Variants in C7 observed in about 807,000 individuals in gnomAD.
C7 encodes the protein complement C7.
C7 carries 83 observed loss-of-function variants against 104.8 expected under a neutral mutation model. The ratio of observed to expected loss-of-function variants is 0.79; its 90% CI spans 0.66 to 0.95. The LOEUF (loss-of-function observed/expected upper bound fraction) is 0.95. Among genes scored for constraint, C7 ranks in the 40% least tolerant of loss-of-function variants. The probability of loss-of-function intolerance (pLI) is 0.00; values close to 1 mark genes in which losing one functional copy is unlikely to be tolerated. For synonymous variants in C7, 415 were observed against 360.6 expected, an observed-to-expected ratio of 1.15 and a Z score of -1.71; for missense variants, 1,070 against 1,011.2, an observed-to-expected ratio of 1.06 and a Z score of -0.79.
rs1271220678 is a variant in C7 at position 40,976,765 on chromosome 5, A to T, written c.2090A>T (p.Gln697Leu). 5 of 1,600,304 alleles carry T rather than the reference A, an allele frequency of 3.1e-6. No homozygotes were observed. The South Asian group carries it at 4.5e-5, about 15-fold the overall frequency. The change falls in exon 16 of 18, where the codon CAG becomes CTG. Residue 697 changes from glutamine (Q) to leucine (L), a missense_variant. Coordinates refer to ENST00000313164, the MANE Select transcript of C7 (RefSeq NM_000587.4). ...RCVQKENPLT[Q>L]AVPKCQRWEK... is the part of the protein sequence containing the mutation. Reference sequence around the variant, plus strand: ...CCTTTTTTAGAAAATCCGTTAACACAGGCAGTGCCTAAATGTCAGCGCTGG... The same window carrying T: ...CCTTTTTTAGAAAATCCGTTAACACTGGCAGTGCCTAAATGTCAGCGCTGG...
chr5:40,974,945 T>C (rs1338706794), intron 15 of C7, among the ~76,000 whole-genome samples: 1 of 152,176 alleles, frequency 6.6e-6, no homozygotes, highest in Non-Finnish European at 1.5e-5. Context: ...CTTAGCAGCA[T>C]CCCTGGTCTC....
intron 15 of C7, among the ~76,000 whole-genome samples, chr5:40,972,879 A>G (rs988807671): frequency 3.3e-5 from 5 of 152,202 alleles, no homozygotes; most frequent in African/African-American, 1.2e-4. Flanking sequence ...CCAAGACAAT[A>G]AAGGATTTTT....
At chr5:40,943,691 G>C (rs547047763) in intron 6 of C7, among the ~76,000 whole-genome samples, 17 of 148,326 alleles carry the variant, frequency 1.1e-4, no homozygotes, top group African/African-American at 4.2e-4. Context: ...ATATATGTGT[G>C]TGTGTGTATA....
intron 1 of C7, among the ~76,000 whole-genome samples, chr5:40,921,513 A>G (rs933576758): frequency 6.6e-6 from 1 of 152,150 alleles, no homozygotes; most frequent in African/African-American, 2.4e-5. Context: ...CTGAATAATA[A>G]CAGTGCTGGA....
chr5:40,933,270 G>T (rs750568276), intron 3 of C7, among the ~76,000 whole-genome samples: 1 of 152,118 alleles, frequency 6.6e-6, no homozygotes, highest in Non-Finnish European at 1.5e-5. Flanking sequence ...TAGGATGGAT[G>T]AATAAGTTCG....
intron 1 of C7, 69 bp downstream of exon 1, chr5:40,909,685 G>A (rs1739167131): frequency 1.4e-5 from 17 of 1,231,586 alleles, no homozygotes; most frequent in Non-Finnish European, 1.8e-5. Context: ...TAATATAAAT[G>A]TAATTTAAAC....
intron 11 of C7, among the ~76,000 whole-genome samples, chr5:40,958,888 C>T (rs1411711157): frequency 6.6e-6 from 1 of 152,086 alleles, no homozygotes; most frequent in Non-Finnish European, 1.5e-5. Context: ...CAGAGCTTGA[C>T]AAAAGGCTTG....
intron 13 of C7, 195 bp from the exon 14 acceptor site, chr5:40,964,546 A>C (rs1376966550): frequency 6.0e-6 from 3 of 502,720 alleles, no homozygotes; most frequent in African/African-American, 5.8e-5. Flanking sequence ...TGGTATTAAT[A>C]GTTTTATTTC....
rs1741016429 is a variant in C7 at position 40,984,288 on chromosome 5, T to G, written c.*2715T>G. ...AGAAGGAGGGTTCTTCGTATTCAGG[T>G]AGGGTATGGTAGGGATGTGGAGTGC... is the stretch of plus-strand genomic sequence containing the variant. On this transcript the variant is annotated 3_prime_UTR_variant, in exon 18 of 18. Coordinates refer to ENST00000313164, the MANE Select transcript of C7 (RefSeq NM_000587.4). Among the ~76,000 whole-genome samples, 1 of 152,044 alleles carries G rather than the reference T, an allele frequency of 6.6e-6. No homozygotes were observed. The highest frequency in any genetic ancestry group is 2.4e-5 in the African/African-American group (1 of 41,404).
chr5:40,931,822 G>A (rs1349938589), intron 3 of C7, among the ~76,000 whole-genome samples: 6 of 152,144 alleles, frequency 3.9e-5, no homozygotes, highest in Admixed American at 1.3e-4. Flanking sequence ...GCAGTGGCAC[G>A]ATCTTGGCTC....
chr5:40,944,902 C>G (rs1740013091), intron 6 of C7, among the ~76,000 whole-genome samples: 1 of 152,152 alleles, frequency 6.6e-6, no homozygotes, highest in Admixed American at 6.5e-5. Context: ...TGTTAATTTG[C>G]TCGCTTCTGG....
At chr5:40,956,472 G>A (rs1740293759) in intron 10 of C7, among the ~76,000 whole-genome samples, 1 of 152,226 alleles carries the variant, frequency 6.6e-6, no homozygotes, top group African/African-American at 2.4e-5. Context: ...ATATTCCTAT[G>A]TGGCTTGTTT....
At chr5:40,939,915 T>G (rs1158556424) in intron 6 of C7, among the ~76,000 whole-genome samples, 1 of 152,210 alleles carries the variant, frequency 6.6e-6, no homozygotes, top group East Asian at 1.9e-4. Flanking sequence ...TCCCCATCAC[T>G]GAATGTGAAG....
In C7 at chr5:40,947,629, A is replaced by G; in HGVS notation, c.766A>G (p.Thr256Ala). Residue 256 changes from threonine (T) to alanine (A), a missense_variant, in exon 8 of 18, where the codon ACT (threonine) becomes GCT (alanine). Thr to Ala is a moderately conservative substitution (Grantham distance 58, BLOSUM62 0). Transcript: ENST00000313164. ...KSYQLLVVEN[T>A]VEVAQFINNN... ...TTACCAACTGCTGGTTGTTGAGAAC[A>G]CTGTTGAAGTGGCTCAGTTCATTAA... The G allele has an allele frequency of 1.2e-6, 2 of 1,613,332 alleles. No individual in the cohort carries two copies. Among genetic ancestry groups the G allele is most frequent in the East Asian group, 2.2e-5 (1 of 44,876 alleles).
intron 14 of C7, chr5:40,967,634 AT>A: frequency 1.5e-5 from 3 of 198,138 alleles, no homozygotes; most frequent in Admixed American, 4.6e-5. Context: ...GGTGTGCTGT[AT>A]TTATTTTTAT....
chr5:40,947,642 C>G lies in C7; in HGVS notation c.779C>G (p.Ala260Gly). The G allele has an allele frequency of 6.2e-7, 1 of 1,613,386 alleles. No individual in the cohort carries two copies. The highest frequency in any genetic ancestry group is 8.5e-7 in the Non-Finnish European group (1 of 1,179,626). ...LLVVENTVEV[A>G]QFINNNPEFL... ...GTTGTTGAGAACACTGTTGAAGTGG[C>G]TCAGTTCATTAATAACAATCCAGAA... Residue 260 changes from alanine (A) to glycine (G), a missense_variant, in exon 8 of 18, where the codon GCT (alanine) becomes GGT (glycine). Coordinates refer to ENST00000313164, the MANE Select transcript of C7 (RefSeq NM_000587.4).
chr5:40,936,635 T>C (rs1435426337), intron 5 of C7, 150 bp downstream of exon 5: 3 of 704,182 alleles, frequency 4.3e-6, no homozygotes, highest in Non-Finnish European at 7.0e-6. Context: ...TGAGACAGTA[T>C]TTTTGTTCAC....
intron 6 of C7, among the ~76,000 whole-genome samples, chr5:40,941,014 T>TG (rs1673385499): frequency 6.6e-6 from 1 of 150,708 alleles, no homozygotes. Flanking sequence ...TGGGTGGGAG[T>TG]GGGAGAGAGA....
In C7 at chr5:40,979,834, G is replaced by C. The variant is rs1227467982; in HGVS notation, c.2275G>C (p.Gly759Arg). Residue 759 changes from glycine to arginine, a missense_variant, in exon 17 of 18, where the codon GGT becomes CGT. Physicochemically the swap from Gly to Arg is moderately radical, Grantham distance 125 (BLOSUM62 -2). Transcript: ENST00000313164. The part of the protein sequence containing the change: ...HCQGRNYTLT[G>R]RDSCTLPASA... ...TCAGGGTAGAAATTACACCCTTACT[G>C]GTAGGGACAGCTGTACTCTGCCTGC... is the stretch of plus-strand genomic sequence containing the variant. The C allele has an allele frequency of 3.1e-6, 5 of 1,613,562 alleles. No individual in the cohort carries two copies. The highest frequency in any genetic ancestry group is 3.3e-5 in the Admixed American group (2 of 60,016).
Sources: allele counts gnomAD v4.1 joint callset (sites outside exome capture counted in the v4.1 genomes callset), GRCh38; gene constraint gnomAD v4.1.1; transcripts MANE v1.5; gene names NCBI Gene and HGNC (gene_info 2026-07-23, HGNC 2026-07-21).